Variants in WDR41 observed in about 807,000 individuals in gnomAD.
WDR41 encodes WD repeat-containing protein 41.
A neutral mutation model predicts 69.3 loss-of-function variants in WDR41; 63 were observed. The ratio of observed to expected loss-of-function variants is 0.91; its 90% confidence interval spans 0.74 to 1.12. The LOEUF (loss-of-function observed/expected upper bound fraction) is 1.12, where lower values mean the gene tolerates loss of function less well. Ranked by LOEUF, WDR41 falls within the 50% of genes most tolerant of loss-of-function variation. WDR41 has a pLI of 0.00. For synonymous variants in WDR41, 185 were observed against 192.1 expected, an observed-to-expected ratio of 0.96 and a Z score of 0.31; for missense variants, 543 against 534.5, an observed-to-expected ratio of 1.02 and a Z score of -0.16.
intron 5 of WDR41, 49 bp downstream of exon 5, chr5:77,459,013 G>T: frequency 7.3e-7 from 1 of 1,369,666 alleles, no homozygotes; most frequent in South Asian, 1.3e-5. Flanking sequence ...CATGTCTTCT[G>T]AGACAAAAAT....
At chr5:77,501,821 A>G (rs1802021765) in intron 1 of WDR41, among the ~76,000 whole-genome samples, 1 of 152,200 alleles carries the variant, frequency 6.6e-6, no homozygotes, top group Non-Finnish European at 1.5e-5. Context: ...GCTAACAAAC[A>G]GAAAGGAATA....
At chr5:77,473,402 A>C (rs1164103594) in intron 2 of WDR41, among the ~76,000 whole-genome samples, 1 of 152,232 alleles carries the variant, frequency 6.6e-6, no homozygotes, top group African/African-American at 2.4e-5. Context: ...TTCATGTCTA[A>C]AACACCAAAA....
At chr5:77,506,537 G>T (rs1802111160) in intron 1 of WDR41, among the ~76,000 whole-genome samples, 1 of 152,156 alleles carries the variant, frequency 6.6e-6, no homozygotes, top group African/African-American at 2.4e-5. Context: ...CCATTACTGG[G>T]TATATACCCA....
chr5:77,525,942 T>C (rs1802439955), intron 1 of WDR41, among the ~76,000 whole-genome samples: 1 of 152,156 alleles, frequency 6.6e-6, no homozygotes, highest in South Asian at 2.1e-4. Context: ...GCACCACCCT[T>C]AGCATTCTGT....
intron 2 of WDR41, among the ~76,000 whole-genome samples, chr5:77,477,844 T>C (rs1188257457): frequency 2.2e-5 from 3 of 137,452 alleles, no homozygotes; most frequent in Admixed American, 7.5e-5. Context: ...CTGAAGGACA[T>C]AGAGACACAA....
rs1798931165 is a variant in WDR41, at chr5:77,436,269, A to C, written c.1219T>G (p.Ser407Ala). ...TGGCTAAACAGCAATACCTCCACAG[A>C]TGATGAGTGTCCAATCAAATCTCCA... Reference protein sequence around the residue: ...LIGDLIGHSSSVEMFLYFEDH... With the variant: ...LIGDLIGHSSAVEMFLYFEDH... Residue 407 changes from serine (S) to alanine (A), a missense_variant, in exon 12 of 13, where the codon TCT becomes GCT. Transcript: ENST00000296679. The C allele has an allele frequency of 6.2e-7, 1 of 1,613,752 alleles. No homozygotes were observed. The highest frequency in any genetic ancestry group is 1.3e-5 in the African/African-American group (1 of 74,944).
At chr5:77,556,056 A>G (rs1254322583) in intron 1 of WDR41, among the ~76,000 whole-genome samples, 2 of 147,716 alleles carry the variant, frequency 1.4e-5, no homozygotes, top group Non-Finnish European at 3.0e-5. Flanking sequence ...ACCCAGAAAC[A>G]GGTTTGATTT....
At chr5:77,502,159 T>C (rs944471267) in intron 1 of WDR41, among the ~76,000 whole-genome samples, 6 of 151,718 alleles carry the variant, frequency 4.0e-5, no homozygotes, top group African/African-American at 1.2e-4. Context: ...GAATAAACAG[T>C]ATAGAGAAGA....
At chr5:77,447,490 A>T (rs780537652) in intron 8 of WDR41, among the ~76,000 whole-genome samples, 38 of 152,232 alleles carry the variant, frequency 2.5e-4, no homozygotes, top group Non-Finnish European at 4.1e-4. Flanking sequence ...ATCACTATTT[A>T]CAAGAACAAA....
chr5:77,437,857 T>C lies in WDR41; in HGVS notation c.1004+383A>G, dbSNP rs1799006880. On this transcript the variant is annotated intron_variant, in intron 10 of 12. Transcript: ENST00000296679. The stretch of plus-strand genomic sequence containing the variant: ...CTACCCTGACAGGAAACCACTCACT[T>C]AGTAGCCTCACACAACAAGGAGACC... Among the ~76,000 whole-genome samples the C allele has an allele frequency of 2.0e-5, 3 of 152,168 alleles. 1 individual carries two copies. The highest frequency in any genetic ancestry group is 4.2e-4 in the South Asian group (2 of 4,818).
At chr5:77,482,571 G>A (rs955129509) in intron 2 of WDR41, among the ~76,000 whole-genome samples, 2 of 151,360 alleles carry the variant, frequency 1.3e-5, no homozygotes, top group African/African-American at 4.9e-5. Flanking sequence ...TGTATTTTTT[G>A]TTAATTGATA....
chr5:77,541,229 T>C (rs1272418700), intron 1 of WDR41, among the ~76,000 whole-genome samples: 1 of 151,816 alleles, frequency 6.6e-6, no homozygotes, highest in African/African-American at 2.4e-5. Flanking sequence ...ATATGCAGAG[T>C]CTACAAGGAA....
intron 1 of WDR41, among the ~76,000 whole-genome samples, chr5:77,575,458 A>G (rs944028649): frequency 1.3e-5 from 2 of 152,248 alleles, no homozygotes; most frequent in African/African-American, 4.8e-5. Flanking sequence ...ACTTCTGGTA[A>G]GGATTTTAGT....
At chr5:77,582,029 GA>G (rs56204214) in intron 1 of WDR41, among the ~76,000 whole-genome samples, 16,010 of 151,842 alleles carry the variant, frequency 0.11, 1,184 homozygotes, top group Non-Finnish European at 0.15. Flanking sequence ...TTTAATTAGA[GA>G]AAAAATCAAT....
intron 1 of WDR41, among the ~76,000 whole-genome samples, chr5:77,559,438 G>A (rs1743478893): frequency 6.6e-6 from 1 of 152,000 alleles, no homozygotes; most frequent in African/African-American, 2.4e-5. Context: ...CAACAGGCTG[G>A]CAAAATTCTT....
chr5:77,609,197 T>G (rs1231234892), intron 1 of WDR41, among the ~76,000 whole-genome samples: 2 of 152,216 alleles, frequency 1.3e-5, no homozygotes, highest in Admixed American at 6.5e-5. Context: ...GAGGCCTGCC[T>G]GCATCTGTAG....
chr5:77,475,828 T>C (rs189508862), intron 2 of WDR41, among the ~76,000 whole-genome samples: 3 of 152,148 alleles, frequency 2.0e-5, no homozygotes, highest in Non-Finnish European at 4.4e-5. Context: ...GGAGAATGAC[T>C]TTGACAAGCT....
At chr5:77,604,013 C>T (rs1209107812) in intron 1 of WDR41, among the ~76,000 whole-genome samples, 3 of 152,170 alleles carry the variant, frequency 2.0e-5, no homozygotes, top group Non-Finnish European at 1.5e-5. Context: ...AGTGTGATGG[C>T]TCCAGCTTTG....
intron 1 of WDR41, among the ~76,000 whole-genome samples, chr5:77,614,409 A>G (rs1338059195): frequency 6.6e-6 from 1 of 151,034 alleles, no homozygotes; most frequent in African/African-American, 2.4e-5. Context: ...ATGTCCAACA[A>G]TGATAGACTG....
Sources: allele counts gnomAD v4.1 joint callset (sites outside exome capture counted in the v4.1 genomes callset), GRCh38; gene constraint gnomAD v4.1.1; transcripts MANE v1.5; gene names NCBI Gene and HGNC (gene_info 2026-07-23, HGNC 2026-07-21).